Variants in CACNG3 observed in about 807,000 individuals in gnomAD.
The protein encoded by CACNG3 is voltage-dependent calcium channel gamma-3 subunit.
CACNG3 carries 3 observed loss-of-function variants against 28.5 expected under a neutral mutation model. The observed-to-expected ratio is 0.11, with a 90% confidence interval of 0.05 to 0.27. The LOEUF is 0.27. CACNG3 is among the 10% of genes least tolerant of loss of function. CACNG3 has a pLI of 1.00. For missense variants in CACNG3, 236 were observed against 414.4 expected, an observed-to-expected ratio of 0.57 and a Z score of 3.74; for synonymous variants, 174 against 162.2, an observed-to-expected ratio of 1.07 and a Z score of -0.55.
intron 1 of CACNG3, among the ~76,000 whole-genome samples, chr16:24,277,454 G>C (rs1408448126): frequency 6.6e-6 from 1 of 152,142 alleles, no homozygotes; most frequent in Non-Finnish European, 1.5e-5. Flanking sequence ...CTAATGTCAG[G>C]AGTACCGAGG....
At chr16:24,311,248 C>T (rs1216824165) in intron 1 of CACNG3, among the ~76,000 whole-genome samples, 4 of 152,166 alleles carry the variant, frequency 2.6e-5, no homozygotes, top group South Asian at 4.1e-4. Flanking sequence ...CGGTGGCTCA[C>T]GCCTGTAATC....
intron 1 of CACNG3, among the ~76,000 whole-genome samples, chr16:24,265,383 AAAAGAAAG>A (rs1196597081): frequency 6.6e-6 from 1 of 150,648 alleles, no homozygotes; most frequent in Non-Finnish European, 1.5e-5. Context: ...AGAAAGAAAG[AAAAGAAAG>A]AAGAAAGAAA....
At chr16:24,273,183 C>T (rs1353429025) in intron 1 of CACNG3, among the ~76,000 whole-genome samples, 1 of 152,220 alleles carries the variant, frequency 6.6e-6, no homozygotes, top group African/African-American at 2.4e-5. Flanking sequence ...GTCAGAGATA[C>T]TGCTGTCTCC....
chr16:24,335,877 C>G (rs1173083358), intron 1 of CACNG3, among the ~76,000 whole-genome samples: 1 of 152,006 alleles, frequency 6.6e-6, no homozygotes, highest in Non-Finnish European at 1.5e-5. Flanking sequence ...GAGTTGGAGA[C>G]CAGCCTAGCC....
chr16:24,262,571 G>A (rs1483716920), intron 1 of CACNG3, among the ~76,000 whole-genome samples: 1 of 152,238 alleles, frequency 6.6e-6, no homozygotes, highest in Non-Finnish European at 1.5e-5. Flanking sequence ...GATCCATTAG[G>A]TAAAGGGTGA....
chr16:24,350,792 G>A (rs541732710), intron 2 of CACNG3, among the ~76,000 whole-genome samples: 5 of 152,252 alleles, frequency 3.3e-5, no homozygotes, highest in African/African-American at 7.2e-5. Context: ...TCCCTTTAAA[G>A]GTTAGTCCAC....
At chr16:24,335,342 C>T (rs922336718) in intron 1 of CACNG3, among the ~76,000 whole-genome samples, 3 of 152,148 alleles carry the variant, frequency 2.0e-5, no homozygotes, top group Middle Eastern at 3.2e-3. Context: ...ATCGCTTGAA[C>T]CTGGGAGGCA....
At position 24,303,683 on chromosome 16, in the gene CACNG3, G is replaced by T. The variant is rs190713663; in HGVS notation, c.212-43051G>T. ...ACTTCCTTCTTTAGAATTGGGAGGC[G>T]GAGACAGGTGGATCACCTGAGCTCA... On this transcript the variant is annotated intron_variant, in intron 1 of 3. Transcript: ENST00000005284. 8.3e-4 allele frequency among the ~76,000 whole-genome samples: 127 copies of T among 152,192 alleles called. 1 individual carries two copies. Among genetic ancestry groups the T allele is most frequent in the African/African-American group, 2.3e-3 (95 of 41,524 alleles).
rs539992730 is a variant in CACNG3, at chr16:24,340,623, T to C, written c.212-6111T>C. 4.6e-5 allele frequency among the ~76,000 whole-genome samples: 7 copies of C among 152,250 alleles called. No homozygotes were observed. The South Asian group carries it at 1.2e-3, about 27-fold the overall frequency. On this transcript the variant is annotated intron_variant, in intron 1 of 3. Coordinates refer to ENST00000005284, the MANE Select transcript of CACNG3 (RefSeq NM_006539.4). Reference sequence around the variant, plus strand: ...CCCCTCCTCATGTGAAGGAAGTACTTTTCCATTGTCTGAACCAGAGACGAA... The same window carrying C: ...CCCCTCCTCATGTGAAGGAAGTACTCTTCCATTGTCTGAACCAGAGACGAA...
intron 1 of CACNG3, among the ~76,000 whole-genome samples, chr16:24,277,861 T>C (rs1567208849): frequency 6.6e-6 from 1 of 151,828 alleles, no homozygotes; most frequent in Non-Finnish European, 1.5e-5. Flanking sequence ...GATGTATGTA[T>C]GGTATTTGTT....
At position 24,319,358 on chromosome 16, in the gene CACNG3, G is replaced by C. The variant is rs560777624; in HGVS notation, c.212-27376G>C. On this transcript the variant is annotated intron_variant, in intron 1 of 3. Transcript: ENST00000005284. ...CCTTGGCTACAAGGATGAATAACAA[G>C]GGTGGTGCCAGTTCGAGGTTGGACA... Among the ~76,000 whole-genome samples the C allele has an allele frequency of 4.6e-5, 7 of 152,348 alleles. No homozygotes were observed. In the East Asian group the frequency reaches 1.4e-3, roughly 29 times the overall value.
At chr16:24,341,040 A>C (rs1056882616) in intron 1 of CACNG3, among the ~76,000 whole-genome samples, 2 of 152,192 alleles carry the variant, frequency 1.3e-5, no homozygotes, top group African/African-American at 2.4e-5. Context: ...TCCATCTTCT[A>C]CAGTGGGTGG....
intron 1 of CACNG3, among the ~76,000 whole-genome samples, chr16:24,294,491 G>A (rs1419404726): frequency 6.6e-6 from 1 of 152,198 alleles, no homozygotes; most frequent in African/African-American, 2.4e-5. Context: ...GCTTGGCAAG[G>A]AGGTCAAGTG....
chr16:24,274,113 G>A (rs907532158), intron 1 of CACNG3, among the ~76,000 whole-genome samples: 2 of 151,132 alleles, frequency 1.3e-5, no homozygotes, highest in Non-Finnish European at 2.9e-5. Flanking sequence ...CTTGAACCTC[G>A]GAGGCGGAGG....
At chr16:24,323,913 G>A (rs1899499676) in intron 1 of CACNG3, among the ~76,000 whole-genome samples, 1 of 152,112 alleles carries the variant, frequency 6.6e-6, no homozygotes, top group Non-Finnish European at 1.5e-5. Flanking sequence ...GATTACAGGT[G>A]CACACCACCA....
chr16:24,323,251 G>GAGAGAA (rs1453525829), intron 1 of CACNG3, among the ~76,000 whole-genome samples: 9 of 138,872 alleles, frequency 6.5e-5, no homozygotes, highest in East Asian at 2.2e-4. Flanking sequence ...GAGAGAGAGA[G>GAGAGAA]AAAGAGAGAG....
intron 1 of CACNG3, among the ~76,000 whole-genome samples, chr16:24,268,986 G>A (rs1898650327): frequency 6.6e-6 from 1 of 152,134 alleles, no homozygotes; most frequent in Admixed American, 6.5e-5. Context: ...GCACTCAGAT[G>A]GCCAAAAACG....
chr16:24,311,486 G>A (rs539790072), intron 1 of CACNG3, among the ~76,000 whole-genome samples: 1 of 150,246 alleles, frequency 6.7e-6, no homozygotes, highest in South Asian at 2.1e-4. Flanking sequence ...TACAGCCTGG[G>A]TGACAGAACA....
At chr16:24,279,548 T>G (rs1215283862) in intron 1 of CACNG3, among the ~76,000 whole-genome samples, 2 of 152,118 alleles carry the variant, frequency 1.3e-5, no homozygotes, top group Non-Finnish European at 2.9e-5. Flanking sequence ...CAAGCAATCC[T>G]CCTGCCTCAG....
Sources: allele counts gnomAD v4.1 joint callset (sites outside exome capture counted in the v4.1 genomes callset), GRCh38; gene constraint gnomAD v4.1.1; transcripts MANE v1.5; gene names NCBI Gene and HGNC (gene_info 2026-07-23, HGNC 2026-07-21).